Variants in ENOX1 observed in about 807,000 individuals in gnomAD.
The protein encoded by ENOX1 is candidate growth-related and time keeping constitutive hydroquinone (NADH) oxidase.
In ENOX1, 42 loss-of-function variants were observed where a neutral mutation model predicts 82.5. That is an observed-to-expected ratio of 0.51 (90% CI 0.40 to 0.66). The LOEUF is 0.66. Among genes scored for constraint, ENOX1 ranks in the 30% least tolerant of loss-of-function variants. ENOX1 has a pLI of 0.00. For missense variants in ENOX1, 608 were observed against 811.6 expected, an observed-to-expected ratio of 0.75 and a Z score of 3.05; for synonymous variants, 271 against 282.2, an observed-to-expected ratio of 0.96 and a Z score of 0.40.
Position 43,727,987 on chromosome 13 carries a change from T to C in ENOX1, c.-285+58665A>G, listed in dbSNP as rs569409862. Among the ~76,000 whole-genome samples, 108 of 152,246 alleles carry C rather than the reference T, an allele frequency of 7.1e-4. 1 individual carries two copies. The highest frequency in any genetic ancestry group is 1.4e-3 in the Non-Finnish European group (96 of 68,044). On this transcript the variant is annotated intron_variant, in intron 1 of 16. Coordinates refer to ENST00000690772, the MANE Select transcript of ENOX1 (RefSeq NM_001347969.2). Reference sequence around the variant, plus strand: ...GCTTCCCCAACGCTATTTTCTACTATAGAAAATATGCAATAGTTTAATGTA... The same window carrying C: ...GCTTCCCCAACGCTATTTTCTACTACAGAAAATATGCAATAGTTTAATGTA...
chr13:43,364,847 C>T (rs549120866), intron 5 of ENOX1, among the ~76,000 whole-genome samples: 1 of 152,280 alleles, frequency 6.6e-6, no homozygotes, highest in Admixed American at 6.5e-5. Flanking sequence ...TGAGCTGAGG[C>T]TCAGAGGACA....
At chr13:43,523,657 C>T (rs1285162784) in intron 2 of ENOX1, among the ~76,000 whole-genome samples, 2 of 152,092 alleles carry the variant, frequency 1.3e-5, no homozygotes, top group African/African-American at 4.8e-5. Flanking sequence ...GTAGAAGTGG[C>T]CCAGAGTTCT....
intron 9 of ENOX1, among the ~76,000 whole-genome samples, chr13:43,336,850 G>C (rs1424413845): frequency 6.6e-6 from 1 of 152,158 alleles, no homozygotes; most frequent in Admixed American, 6.5e-5. Context: ...AAGTCACAAG[G>C]CTAATTAGTG....
At chr13:43,685,881 C>CAG (rs1566768610) in intron 1 of ENOX1, among the ~76,000 whole-genome samples, 2 of 146,090 alleles carry the variant, frequency 1.4e-5, no homozygotes, top group African/African-American at 5.5e-5. Context: ...GAAACACACA[C>CAG]ACACACACAC....
intron 3 of ENOX1, among the ~76,000 whole-genome samples, chr13:43,416,292 G>A (rs2054539383): frequency 6.8e-6 from 1 of 146,598 alleles, no homozygotes; most frequent in Admixed American, 6.8e-5. Context: ...GCCGGGCAGA[G>A]ATGCTCCCCA....
intron 5 of ENOX1, among the ~76,000 whole-genome samples, chr13:43,387,847 G>C (rs889648702): frequency 6.6e-6 from 1 of 151,944 alleles, no homozygotes; most frequent in African/African-American, 2.4e-5. Flanking sequence ...TACATAACTG[G>C]TGTTTTCGAA....
At chr13:43,678,821 T>A (rs539329729) in intron 1 of ENOX1, among the ~76,000 whole-genome samples, 1 of 152,310 alleles carries the variant, frequency 6.6e-6, no homozygotes, top group Non-Finnish European at 1.5e-5. Context: ...ACATTTAGCA[T>A]GACCCCTTTC....
intron 1 of ENOX1, among the ~76,000 whole-genome samples, chr13:43,673,381 C>CGGAG (rs1381992510): frequency 5.3e-5 from 8 of 152,140 alleles, no homozygotes; most frequent in African/African-American, 1.9e-4. Flanking sequence ...GCAGCCAAGC[C>CGGAG]CTCCACTAAA....
intron 2 of ENOX1, among the ~76,000 whole-genome samples, chr13:43,529,101 T>C (rs34117562): frequency 0.086 from 13,043 of 151,956 alleles, 630 homozygotes; most frequent in East Asian, 0.16. Context: ...AGCCCCTCCA[T>C]CCTTAGTTTC....
At chr13:43,718,390 G>A (rs1231961808) in intron 1 of ENOX1, among the ~76,000 whole-genome samples, 1 of 151,980 alleles carries the variant, frequency 6.6e-6, no homozygotes, top group Non-Finnish European at 1.5e-5. Flanking sequence ...GGAGAGGGAG[G>A]GAGGGAAGAG....
intron 3 of ENOX1, among the ~76,000 whole-genome samples, chr13:43,443,561 C>T (rs968609879): frequency 7.9e-5 from 12 of 152,158 alleles, no homozygotes; most frequent in African/African-American, 2.9e-4. Context: ...CAGGCACCAT[C>T]CACTGTCCCT....
chr13:43,328,090 C>T (rs2048216688), intron 9 of ENOX1, among the ~76,000 whole-genome samples: 1 of 152,170 alleles, frequency 6.6e-6, no homozygotes. Context: ...TGTGGCTTCC[C>T]TCCTCGACCT....
chr13:43,573,116 C>T (rs898545241), intron 2 of ENOX1, among the ~76,000 whole-genome samples: 1 of 152,154 alleles, frequency 6.6e-6, no homozygotes, highest in South Asian at 2.1e-4. Flanking sequence ...TCCAAAGGCT[C>T]CCTGCTTGGT....
At chr13:43,246,012 C>G (rs547296594) in intron 14 of ENOX1, among the ~76,000 whole-genome samples, 61 of 152,224 alleles carry the variant, frequency 4.0e-4, no homozygotes, top group Non-Finnish European at 5.7e-4. Context: ...GTGTAGTTTA[C>G]TGCCAGAGAT....
At chr13:43,444,380 G>C (rs776832891) in intron 3 of ENOX1, among the ~76,000 whole-genome samples, 76 of 152,280 alleles carry the variant, frequency 5.0e-4, no homozygotes, top group Non-Finnish European at 9.1e-4. Context: ...TGAGCTGCAG[G>C]CTTCATATTC....
chr13:43,425,475 G>T (rs1422474665), intron 3 of ENOX1, among the ~76,000 whole-genome samples: 3 of 152,154 alleles, frequency 2.0e-5, no homozygotes, highest in Non-Finnish European at 4.4e-5. Context: ...AATAGGAGGA[G>T]ATATTTGCCT....
intron 1 of ENOX1, among the ~76,000 whole-genome samples, chr13:43,732,500 T>C (rs2089403938): frequency 6.6e-6 from 1 of 152,154 alleles, no homozygotes; most frequent in Non-Finnish European, 1.5e-5. Flanking sequence ...CATTGAAAAA[T>C]ATGTACCAAG....
chr13:43,615,941 G>T (rs550634676), intron 2 of ENOX1, among the ~76,000 whole-genome samples: 1 of 151,434 alleles, frequency 6.6e-6, no homozygotes, highest in African/African-American at 2.4e-5. Context: ...TTTTGTGGCT[G>T]CATAGTATTC....
At chr13:43,519,575 G>A (rs934957100) in intron 2 of ENOX1, among the ~76,000 whole-genome samples, 2 of 152,100 alleles carry the variant, frequency 1.3e-5, no homozygotes, top group African/African-American at 4.8e-5. Context: ...AAATTAATCT[G>A]TCTCACCACA....
Sources: allele counts gnomAD v4.1 joint callset (sites outside exome capture counted in the v4.1 genomes callset), GRCh38; gene constraint gnomAD v4.1.1; transcripts MANE v1.5; gene names NCBI Gene and HGNC (gene_info 2026-07-23, HGNC 2026-07-21).